CLEC2D: variants seen among roughly 807,000 people sequenced by gnomAD.
CLEC2D encodes the protein C-type lectin domain family 2 member D.
A neutral mutation model predicts 20.0 loss-of-function variants in CLEC2D; 16 were observed. The ratio of observed to expected loss-of-function variants is 0.80; its 90% confidence interval spans 0.54 to 1.22. The LOEUF is 1.22. Ranked by LOEUF, CLEC2D falls within the 50% of genes most tolerant of loss-of-function variation. The probability of loss-of-function intolerance (pLI) is 0.00; values close to 1 mark genes in which losing one functional copy is unlikely to be tolerated. For missense variants in CLEC2D, 207 were observed against 221.5 expected, an observed-to-expected ratio of 0.93 and a Z score of 0.42; for synonymous variants, 77 against 71.1, an observed-to-expected ratio of 1.08 and a Z score of -0.42.
At chr12:9,673,762 A>G (rs2120892835) in intron 1 of CLEC2D, among the ~76,000 whole-genome samples, 1 of 152,290 alleles carries the variant, frequency 6.6e-6, no homozygotes, top group African/African-American at 2.4e-5. Context: ...TCTTGCAGGG[A>G]TGACCTGCCT....
At chr12:9,681,861 A>G (rs1274048211) in intron 2 of CLEC2D, among the ~76,000 whole-genome samples, 1 of 152,226 alleles carries the variant, frequency 6.6e-6, no homozygotes, top group Non-Finnish European at 1.5e-5. Context: ...ACCACAGATA[A>G]TATACTTTAT....
At chr12:9,680,288 G>A in intron 1 of CLEC2D, 1 of 230,270 alleles carries the variant, frequency 4.3e-6, no homozygotes, top group Non-Finnish European at 9.2e-6. Flanking sequence ...ATGTAGAATT[G>A]TGAGTCAGTT....
chr12:9,683,335 GTTTTTTTTTT>G (rs1357039664), intron 2 of CLEC2D, among the ~76,000 whole-genome samples: 4 of 11,288 alleles, frequency 3.5e-4, no homozygotes, highest in Non-Finnish European at 1.0e-3. Flanking sequence ...TTTTGTGTTT[GTTTTTTTTTT>G]TTTTTTTTTG....
chr12:9,677,688 T>C (rs746335237), intron 1 of CLEC2D, among the ~76,000 whole-genome samples: 1 of 149,356 alleles, frequency 6.7e-6, no homozygotes, highest in African/African-American at 2.5e-5. Flanking sequence ...GCCTGCTGGA[T>C]CTGGGCATTT....
At chr12:9,685,613 T>C (rs1591697850) in intron 2 of CLEC2D, among the ~76,000 whole-genome samples, 1 of 152,292 alleles carries the variant, frequency 6.6e-6, no homozygotes, top group Middle Eastern at 3.4e-3. Context: ...TGTGGTGGGC[T>C]CCGCCCAGTC....
chr12:9,688,345 T>C (rs944019912), intron 3 of CLEC2D, among the ~76,000 whole-genome samples: 2 of 152,220 alleles, frequency 1.3e-5, no homozygotes, highest in African/African-American at 4.8e-5. Context: ...TGAGCCAGAA[T>C]TGTGCAAATA....
chr12:9,680,149 A>C, intron 1 of CLEC2D: 1 of 204,168 alleles, frequency 4.9e-6, no homozygotes. Context: ...AGTTTTCATG[A>C]TATCTGATGG....
At position 9,696,169 on chromosome 12, in the gene CLEC2D, T is replaced by A. The variant is rs1446461882; in HGVS notation, c.*1295T>A. 3.4e-6 allele frequency: 3 copies of A among 874,426 alleles called. No individual in the cohort carries two copies. In the East Asian group the frequency reaches 7.2e-5, roughly 21 times the overall value. The allele number at this position is 874,426 out of a possible 1,614,324, so 54.2% of individuals were successfully genotyped here. On this transcript the variant is annotated 3_prime_UTR_variant, in exon 5 of 5. Transcript: ENST00000290855. The stretch of plus-strand genomic sequence containing the variant: ...CAAGTTCATCAATTATGTGAAGAAT[T>A]TCTTCTGGATGACTGACCAAGAGGC...
In CLEC2D at chr12:9,695,895, C is replaced by T. The variant is rs1349869663; in HGVS notation, c.*1021C>T. The T allele has an allele frequency of 1.3e-4, 144 of 1,082,702 alleles. 2 individuals carry two copies. The highest frequency in any genetic ancestry group is 1.6e-4 in the Non-Finnish European group (116 of 711,526). The allele number at this position is 1,082,702 out of a possible 1,614,324, so 67.1% of individuals were successfully genotyped here. On this transcript the variant is annotated 3_prime_UTR_variant, in exon 5 of 5. Transcript: ENST00000290855. ...ATGAAGATGATGATGATGATGATGA[C>T]GAGGAAGCTGAAGAAAAAGCGCCAG...
Position 9,695,751 on chromosome 12 carries a change from A to G in CLEC2D, c.*877A>G, listed in dbSNP as rs753773306. 4.0e-5 allele frequency: 56 copies of G among 1,406,436 alleles called. 1 individual carries two copies. The South Asian group carries it at 6.0e-4, about 15-fold the overall frequency. 87.1% of individuals were successfully genotyped at this position (1,406,436 alleles called of 1,614,324 possible). On this transcript the variant is annotated 3_prime_UTR_variant, in exon 5 of 5. Coordinates refer to ENST00000290855, the MANE Select transcript of CLEC2D (RefSeq NM_013269.6). ...ACTTAGTAGCTGTGAAGGAAGGTGC[A>G]GAGTCAGAAGATGAAGAAGAGGAGG... is the stretch of plus-strand genomic sequence containing the variant.
rs1218758955 is a variant in CLEC2D at position 9,697,317 on chromosome 12, C to T, written c.*2443C>T. 2.0e-5 allele frequency: 3 copies of T among 152,178 alleles called. No individual in the cohort carries two copies. The highest frequency in any genetic ancestry group is 4.8e-5 in the African/African-American group (2 of 41,434). The allele number at this position is 152,178 out of a possible 1,614,324, so 9.4% of individuals were successfully genotyped here. A position where few individuals can be genotyped will look rare whatever the true frequency, so the allele number is the denominator to read the frequency against. On this transcript the variant is annotated 3_prime_UTR_variant, in exon 5 of 5. Coordinates refer to ENST00000290855, the MANE Select transcript of CLEC2D (RefSeq NM_013269.6). ...CAAACAATAGCATGAGCGATCTGTG[C>T]CTTAAGGACATGTTCCTGCTGCAGT...
chr12:9,694,874 G>A lies in CLEC2D; in HGVS notation c.576G>A (p.Ter192=). Residue 192 remains the stop codon, a stop_retained_variant, in exon 5 of 5, where the codon TAG becomes TAA. Transcript: ENST00000290855. ...GTTCCAAATCAGATATACATGTCTA[G>A]ATGTTACAGCAAAGCCCCAACTAAT... The part of the protein sequence containing the change: ...WICSKSDIHV[*] 1 of 1,517,994 alleles carries A rather than the reference G, an allele frequency of 6.6e-7. No individual in the cohort carries two copies. The highest frequency in any genetic ancestry group is 9.2e-7 in the Non-Finnish European group (1 of 1,092,730). 94.0% of individuals were successfully genotyped at this position (1,517,994 alleles called of 1,614,324 possible).
intron 1 of CLEC2D, among the ~76,000 whole-genome samples, chr12:9,674,760 G>T (rs1196439034): frequency 1.3e-5 from 2 of 152,094 alleles, no homozygotes; most frequent in Non-Finnish European, 2.9e-5. Context: ...TTAATAATTT[G>T]TCTTTTCATT....
At position 9,690,086 on chromosome 12, in the gene CLEC2D, CAG is replaced by C. The variant is rs150576404; in HGVS notation, c.357+2006_357+2007del. ...AATATAGTCAAGTTGACAAAATCCA[CAG>C]AGAGAATTTTGAAAGCAGCCAGAAT... On this transcript the variant is annotated intron_variant, in intron 3 of 4. Transcript: ENST00000290855. Among the ~76,000 whole-genome samples, 979 of 152,106 alleles carry C rather than the reference CAG, an allele frequency of 6.4e-3. 13 individuals are homozygous for C. The highest frequency in any genetic ancestry group is 0.022 in the African/African-American group (928 of 41,528).
chr12:9,690,031 G>A (rs764152541), intron 3 of CLEC2D, among the ~76,000 whole-genome samples: 2 of 151,162 alleles, frequency 1.3e-5, no homozygotes, highest in South Asian at 4.2e-4. Flanking sequence ...CTCCAAAAGG[G>A]TAAACTTAAA....
In CLEC2D at chr12:9,697,690, T is replaced by C. The variant is rs1258564692; in HGVS notation, c.*2816T>C. On this transcript the variant is annotated 3_prime_UTR_variant, in exon 5 of 5. Coordinates refer to ENST00000290855, the MANE Select transcript of CLEC2D (RefSeq NM_013269.6). ...AAATAAGCCAGACACAGAAAAAAAA[T>C]GTTGCATGATCTCACTTATAGTGAA... The C allele has an allele frequency of 2.7e-5, 4 of 149,622 alleles. No individual in the cohort carries two copies. In the East Asian group the frequency reaches 6.0e-4, roughly 22 times the overall value. 9.3% of individuals were successfully genotyped at this position (149,622 alleles called of 1,614,324 possible). A position where few individuals can be genotyped will look rare whatever the true frequency, so the allele number is the denominator to read the frequency against.
intron 3 of CLEC2D, 132 bp from the exon 4 acceptor site, chr12:9,692,696 T>C: frequency 1.7e-6 from 1 of 602,112 alleles, no homozygotes; most frequent in South Asian, 2.2e-5. Context: ...CTATTCTGTA[T>C]GTATTACTAA....
At chr12:9,692,115 TTCTC>T (rs1429621732) in intron 3 of CLEC2D, among the ~76,000 whole-genome samples, 3 of 152,080 alleles carry the variant, frequency 2.0e-5, no homozygotes, top group East Asian at 3.9e-4. Context: ...CTTTCTTTCT[TTCTC>T]TTTCTTTCGT....
rs1047888523 is a variant in CLEC2D at position 9,692,894 on chromosome 12, C to T, written c.424C>T (p.Pro142Ser). The T allele has an allele frequency of 2.5e-6, 4 of 1,613,544 alleles. No individual in the cohort carries two copies. Among genetic ancestry groups the T allele is most frequent in the Non-Finnish European group, 3.4e-6 (4 of 1,179,760 alleles). ...WIGLSREQGQ[P>S]WKWINGTEWT... ...TGGGCTGAGCAGAGAACAAGGCCAA[C>T]CATGGAAATGGATAAATGGTACTGA... The change falls in exon 4 of 5, where the codon CCA (proline) becomes TCA (serine). Residue 142 changes from proline to serine, a missense_variant. Physicochemically the swap from Pro to Ser is moderately conservative, Grantham distance 74 (BLOSUM62 -1). Transcript: ENST00000290855.
Sources: gnomAD v4.1 joint callset for allele counts (sites outside exome capture counted in the v4.1 genomes callset) on GRCh38, gnomAD v4.1.1 for gene constraint, MANE v1.5 for transcripts, NCBI Gene and HGNC (gene_info 2026-07-23, HGNC 2026-07-21) for gene names.